Variants in NRXN3 observed in about 807,000 individuals in gnomAD.
NRXN3 encodes neurexin III.
A neutral mutation model predicts 137.6 loss-of-function variants in NRXN3; 32 were observed. The observed-to-expected ratio is 0.23, with a 90% CI of 0.18 to 0.31. The LOEUF (loss-of-function observed/expected upper bound fraction) is 0.31. Ranked by LOEUF, NRXN3 falls within the 10% of genes least tolerant of loss-of-function variation. The pLI, the probability that NRXN3 is intolerant of heterozygous loss-of-function variation, is 1.00. For missense variants in NRXN3, 1,574 were observed against 2,062.5 expected, an observed-to-expected ratio of 0.76 and a Z score of 4.59; for synonymous variants, 798 against 784.5, an observed-to-expected ratio of 1.02 and a Z score of -0.29.
intron 10 of NRXN3, among the ~76,000 whole-genome samples, chr14:78,815,483 T>TTTC (rs2098929784): frequency 7.8e-6 from 1 of 127,574 alleles, no homozygotes; most frequent in Admixed American, 7.4e-5. Context: ...TTCTTTCTTT[T>TTTC]TTTTTTTTTT....
chr14:79,852,183 A>G (rs1302864438), intron 20 of NRXN3, among the ~76,000 whole-genome samples: 2 of 150,524 alleles, frequency 1.3e-5, no homozygotes, highest in African/African-American at 4.9e-5. Context: ...TCATGAACCC[A>G]TATGTATTTT....
rs75515070 is a variant in NRXN3 at position 79,474,121 on chromosome 14, A to C, written c.3444+6719A>C. 6.5e-3 allele frequency among the ~76,000 whole-genome samples: 993 copies of C among 152,266 alleles called. 14 individuals carry two copies. The highest frequency in any genetic ancestry group is 0.023 in the African/African-American group (955 of 41,566). On this transcript the variant is annotated intron_variant, in intron 16 of 20. Transcript: ENST00000335750. ...TGAAACCAAAAAAAAGTTGGATTTG[A>C]GTTCCATTTTTCAATCCATTTCTGT... is the stretch of plus-strand genomic sequence containing the variant.
chr14:79,239,249 C>T (rs2073908520), intron 15 of NRXN3, among the ~76,000 whole-genome samples: 1 of 152,086 alleles, frequency 6.6e-6, no homozygotes, highest in Non-Finnish European at 1.5e-5. Context: ...TTTTGTTGTA[C>T]TGTACTCACT....
intron 15 of NRXN3, among the ~76,000 whole-genome samples, chr14:79,075,407 A>G (rs2045800425): frequency 6.6e-6 from 1 of 152,232 alleles, no homozygotes; most frequent in Non-Finnish European, 1.5e-5. Context: ...GCAGTAGGAC[A>G]TTGACAATGC....
intron 15 of NRXN3, among the ~76,000 whole-genome samples, chr14:79,010,452 A>G (rs1470557287): frequency 6.6e-6 from 1 of 152,168 alleles, no homozygotes; most frequent in Non-Finnish European, 1.5e-5. Context: ...TATGAGTGTA[A>G]CTCATACCTA....
intron 19 of NRXN3, among the ~76,000 whole-genome samples, chr14:79,726,893 G>T (rs578159510): frequency 3.9e-5 from 6 of 152,084 alleles, no homozygotes; most frequent in African/African-American, 4.8e-5. Flanking sequence ...GAAAGAGACC[G>T]CTTTGAGGTC....
chr14:78,457,771 C>G (rs2094792282), intron 4 of NRXN3, among the ~76,000 whole-genome samples: 1 of 152,160 alleles, frequency 6.6e-6, no homozygotes, highest in Non-Finnish European at 1.5e-5. Context: ...ACCCACACTG[C>G]TGTCAGGGTA....
chr14:79,175,040 G>A (rs2062174903), intron 15 of NRXN3, among the ~76,000 whole-genome samples: 1 of 148,114 alleles, frequency 6.8e-6, no homozygotes, highest in African/African-American at 2.5e-5. Flanking sequence ...GAGTGCAGTG[G>A]TGCCATCTCG....
intron 1 of NRXN3, among the ~76,000 whole-genome samples, chr14:78,192,101 TGTGTGTGAGA>T (rs1030511256): frequency 3.8e-5 from 4 of 105,638 alleles, no homozygotes; most frequent in African/African-American, 1.5e-4. Context: ...TGTGTGTGTG[TGTGTGTGAGA>T]GAGAGAGCAT....
At chr14:79,474,622 A>T (rs2096543373) in intron 16 of NRXN3, among the ~76,000 whole-genome samples, 1 of 152,082 alleles carries the variant, frequency 6.6e-6, no homozygotes, top group African/African-American at 2.4e-5. Context: ...CTCATTATAT[A>T]GCGTTGTGTC....
intron 15 of NRXN3, among the ~76,000 whole-genome samples, chr14:79,412,311 A>G (rs1005314119): frequency 1.3e-5 from 2 of 152,270 alleles, no homozygotes; most frequent in African/African-American, 4.8e-5. Context: ...ACAAATACTT[A>G]TGGATTAGTG....
chr14:78,204,622 A>C (rs2062007537), intron 1 of NRXN3, among the ~76,000 whole-genome samples: 1 of 152,106 alleles, frequency 6.6e-6, no homozygotes, highest in Non-Finnish European at 1.5e-5. Flanking sequence ...ATCAAGCTAT[A>C]AACTATGTAT....
chr14:78,384,596 G>A (rs1290544979), intron 4 of NRXN3, among the ~76,000 whole-genome samples: 2 of 152,080 alleles, frequency 1.3e-5, no homozygotes, highest in Non-Finnish European at 2.9e-5. Context: ...CATGAAAAAT[G>A]TAGACCCACT....
At chr14:78,932,591 G>A (rs962923941) in intron 10 of NRXN3, among the ~76,000 whole-genome samples, 5 of 152,148 alleles carry the variant, frequency 3.3e-5, no homozygotes, top group Non-Finnish European at 5.9e-5. Context: ...AAGCCGCAGG[G>A]AAGTGGACAG....
chr14:79,156,552 A>T (rs2060271258), intron 15 of NRXN3, among the ~76,000 whole-genome samples: 1 of 150,740 alleles, frequency 6.6e-6, no homozygotes, highest in Non-Finnish European at 1.5e-5. Flanking sequence ...ACCATTCTGG[A>T]TTTTTTTTTC....
rs577883789 is a variant in NRXN3 at position 79,445,709 on chromosome 14, C to T, written c.3263-21512C>T. ...AGCAAGTGCAAAGATCCCAAAGCCACAGAGATGTTTATGTGCTGGGAGAAC... is the reference window on the plus strand; with the variant it reads ...AGCAAGTGCAAAGATCCCAAAGCCATAGAGATGTTTATGTGCTGGGAGAAC... On this transcript the variant is annotated intron_variant, in intron 15 of 20. Transcript: ENST00000335750. 3.3e-5 allele frequency among the ~76,000 whole-genome samples: 5 copies of T among 152,264 alleles called. No individual in the cohort carries two copies. In the East Asian group the frequency reaches 9.7e-4, roughly 29 times the overall value.
intron 19 of NRXN3, among the ~76,000 whole-genome samples, chr14:79,698,710 C>A (rs1294381213): frequency 6.6e-6 from 1 of 151,994 alleles, no homozygotes; most frequent in African/African-American, 2.4e-5. Flanking sequence ...CTTAAATGCT[C>A]TGGCATACCA....
At chr14:79,067,905 G>C (rs1595581601) in intron 15 of NRXN3, among the ~76,000 whole-genome samples, 1 of 152,102 alleles carries the variant, frequency 6.6e-6, no homozygotes, top group East Asian at 1.9e-4. Flanking sequence ...TTTTAGACTT[G>C]ATAATTGTAG....
chr14:79,036,726 CGTT>C (rs1042326640), intron 15 of NRXN3, among the ~76,000 whole-genome samples: 6 of 146,734 alleles, frequency 4.1e-5, no homozygotes, highest in Admixed American at 3.5e-4. Context: ...TTCTTGGTGA[CGTT>C]GAAGTAAATT....
Sources: gnomAD v4.1 joint callset for allele counts (sites outside exome capture counted in the v4.1 genomes callset) on GRCh38, gnomAD v4.1.1 for gene constraint, MANE v1.5 for transcripts, NCBI Gene and HGNC (gene_info 2026-07-23, HGNC 2026-07-21) for gene names.